Variants in CLVS1 observed in about 807,000 individuals in gnomAD.
The protein encoded by CLVS1 is clavesin-1.
In CLVS1, 10 loss-of-function variants were observed where a neutral mutation model predicts 33.1. The observed-to-expected ratio is 0.30, with a 90% CI of 0.19 to 0.51. CLVS1 has a LOEUF of 0.51. Ranked by LOEUF, CLVS1 falls within the 20% of genes least tolerant of loss-of-function variation. The probability of loss-of-function intolerance (pLI) is 0.97; values close to 1 mark genes in which losing one functional copy is unlikely to be tolerated. For synonymous variants in CLVS1, 163 were observed against 166.1 expected (o/e 0.98, Z 0.14); for missense variants, 343 against 433.4 (o/e 0.79, Z 1.85).
At chr8:61,127,216 CT>C (rs759525568) in intron 1 of CLVS1, among the ~76,000 whole-genome samples, 1,490 of 141,762 alleles carry the variant, frequency 0.011, 8 homozygotes, top group African/African-American at 0.029. Flanking sequence ...TGAGATCAAG[CT>C]TTTTTTTTTT....
At position 61,299,678 on chromosome 8, in the gene CLVS1, A is replaced by G; in HGVS notation, c.-150A>G. 1 of 594,666 alleles carries G rather than the reference A, an allele frequency of 1.7e-6. No individual in the cohort carries two copies. The highest frequency in any genetic ancestry group is 3.0e-6 in the Non-Finnish European group (1 of 337,822). The allele number at this position is 594,666 out of a possible 1,614,324, so 36.8% of individuals were successfully genotyped here. ...CTTTTGTGTGTATTTGTTTTTCAGT[A>G]AGCAATGGCCTCAGTTTTGCTTCTG... On this transcript the variant is annotated splice_region_variant and 5_prime_UTR_variant, in exon 2 of 6. Coordinates refer to ENST00000325897, the MANE Select transcript of CLVS1 (RefSeq NM_173519.3).
At chr8:61,376,538 T>G (rs1485919306) in intron 2 of CLVS1, 67 bp from the exon 3 acceptor site, 36 of 1,495,948 alleles carry the variant, frequency 2.4e-5, no homozygotes, top group Non-Finnish European at 2.2e-5. Context: ...AGGCCAGCAC[T>G]GTTGCACGCA....
intron 2 of CLVS1, among the ~76,000 whole-genome samples, chr8:61,175,968 C>T (rs1807105212): frequency 6.6e-6 from 1 of 152,206 alleles, no homozygotes; most frequent in Non-Finnish European, 1.5e-5. Context: ...CCATCCCTTT[C>T]CAGAGTACTT....
intron 2 of CLVS1, among the ~76,000 whole-genome samples, chr8:61,281,415 T>C (rs559849987): frequency 1.2e-4 from 19 of 152,034 alleles, no homozygotes; most frequent in Admixed American, 6.6e-5. Flanking sequence ...AGGACTGATA[T>C]CCTCATAAGA....
chr8:61,097,319 T>G (rs1445071003), intron 1 of CLVS1, among the ~76,000 whole-genome samples: 1 of 151,900 alleles, frequency 6.6e-6, no homozygotes, highest in Admixed American at 6.6e-5. Context: ...TTAAATTAAT[T>G]AATTAATTAA....
At chr8:61,363,705 C>T (rs1813077458) in intron 2 of CLVS1, among the ~76,000 whole-genome samples, 1 of 152,142 alleles carries the variant, frequency 6.6e-6, no homozygotes, top group African/African-American at 2.4e-5. Context: ...TATGTTTGTT[C>T]TTTTGTGAAC....
intron 2 of CLVS1, among the ~76,000 whole-genome samples, chr8:61,215,175 A>T (rs1808058279): frequency 6.6e-6 from 1 of 152,142 alleles, no homozygotes; most frequent in African/African-American, 2.4e-5. Flanking sequence ...TTGGCACAGG[A>T]TGAGGATGTC....
At chr8:61,068,062 C>T (rs1438270427) in intron 1 of CLVS1, among the ~76,000 whole-genome samples, 2 of 151,362 alleles carry the variant, frequency 1.3e-5, no homozygotes, top group African/African-American at 4.9e-5. Context: ...TGGCTAGCTC[C>T]TAGGGAGGCT....
intron 3 of CLVS1, among the ~76,000 whole-genome samples, chr8:61,429,237 T>C (rs1816018308): frequency 6.6e-6 from 1 of 151,936 alleles, no homozygotes; most frequent in South Asian, 2.1e-4. Context: ...CTGGCCAACA[T>C]GGTGAAACCC....
At chr8:61,433,350 C>T (rs1380179655) in intron 3 of CLVS1, among the ~76,000 whole-genome samples, 5 of 152,096 alleles carry the variant, frequency 3.3e-5, no homozygotes, top group African/African-American at 7.2e-5. Flanking sequence ...TACATTGTCT[C>T]GGGCTCTCAG....
At chr8:61,032,729 T>TA in the CLVS1 span, among the ~76,000 whole-genome samples, 32 of 152,056 alleles carry the variant, frequency 2.1e-4, no homozygotes, top group Non-Finnish European at 3.5e-4. Flanking sequence ...AGGTAATAGG[T>TA]AAAATAATAT....
At position 61,115,367 on chromosome 8, in the gene CLVS1, A is replaced by T. The variant is rs187226109; in HGVS notation, c.-242-16403A>T. ...TTATTTTATTTTTATTTTTATTTTT[A>T]TTTATTTATTTATTTATTTTTATTA... is the stretch of plus-strand genomic sequence containing the variant. On this transcript the variant is annotated intron_variant, in intron 1 of 2. Transcript: ENST00000522621. 3.3e-5 allele frequency among the ~76,000 whole-genome samples: 5 copies of T among 150,462 alleles called. No individual in the cohort carries two copies. In the South Asian group the frequency reaches 8.4e-4, roughly 25 times the overall value.
At chr8:60,972,263 AC>A in the CLVS1 span, among the ~76,000 whole-genome samples, 1 of 152,130 alleles carries the variant, frequency 6.6e-6, no homozygotes, top group Admixed American at 6.5e-5. Context: ...AAAAATTATG[AC>A]AGTGAAGGAG....
intron 2 of CLVS1, 39 bp from the exon 3 acceptor site, chr8:61,376,566 C>T: frequency 1.3e-6 from 2 of 1,592,956 alleles, no homozygotes; most frequent in Non-Finnish European, 1.7e-6. Context: ...ATCACCTGCT[C>T]ATATTCACAC....
At chr8:61,250,288 G>T (rs1808908928) in intron 2 of CLVS1, among the ~76,000 whole-genome samples, 1 of 152,036 alleles carries the variant, frequency 6.6e-6, no homozygotes, top group Admixed American at 6.6e-5. Flanking sequence ...TCTCTATTTT[G>T]GTATCAGTAC....
chr8:61,203,093 A>G (rs1807771175), intron 2 of CLVS1: 3 of 1,281,938 alleles, frequency 2.3e-6, no homozygotes, highest in Non-Finnish European at 3.4e-6. Flanking sequence ...TAAAGCAAAA[A>G]TGCAAGCAAG....
At chr8:61,224,425 C>G (rs1373990874) in intron 2 of CLVS1, among the ~76,000 whole-genome samples, 1 of 152,174 alleles carries the variant, frequency 6.6e-6, no homozygotes, top group African/African-American at 2.4e-5. Context: ...AGTCAGGCCT[C>G]TCTTCTGTAG....
chr8:61,419,598 G>A (rs528381495), intron 3 of CLVS1, among the ~76,000 whole-genome samples: 1 of 152,278 alleles, frequency 6.6e-6, no homozygotes, highest in African/African-American at 2.4e-5. Context: ...AGCTGAACTG[G>A]AAACCAGGCT....
intron 3 of CLVS1, among the ~76,000 whole-genome samples, chr8:61,396,354 A>G (rs1814528291): frequency 6.6e-6 from 1 of 152,208 alleles, no homozygotes; most frequent in South Asian, 2.1e-4. Context: ...AAGTAATAAA[A>G]AATTGTTACA....
Sources: allele counts gnomAD v4.1 joint callset (sites outside exome capture counted in the v4.1 genomes callset), GRCh38; gene constraint gnomAD v4.1.1; transcripts MANE v1.5; gene names NCBI Gene and HGNC (gene_info 2026-07-23, HGNC 2026-07-21).